Variants in SPTLC3 observed in about 807,000 individuals in gnomAD.
SPTLC3 encodes the protein serine palmitoyltransferase 3.
Under a neutral mutation model 59.3 loss-of-function variants are expected in SPTLC3, and 36 were observed. The observed-to-expected ratio is 0.61, with a 90% CI of 0.47 to 0.80. SPTLC3 has a LOEUF of 0.80. SPTLC3 is among the 30% of genes least tolerant of loss of function. The pLI, the probability that SPTLC3 is intolerant of heterozygous loss-of-function variation, is 0.00. For missense variants in SPTLC3, 625 were observed against 685.1 expected, an observed-to-expected ratio of 0.91 and a Z score of 0.98; for synonymous variants, 257 against 240.8, an observed-to-expected ratio of 1.07 and a Z score of -0.62.
At position 13,009,121 on chromosome 20, in the gene SPTLC3, G is replaced by T; in HGVS notation, c.-147G>T. ...CGATCTGACAAAAAGATAGGCTGTT[G>T]CTCTTCTTCTGGAAAAGCCTGATTG... is the stretch of plus-strand genomic sequence containing the variant. On this transcript the variant is annotated 5_prime_UTR_variant, in exon 1 of 12. Transcript: ENST00000399002. The T allele has an allele frequency of 1.5e-6, 1 of 662,858 alleles. No individual in the cohort carries two copies. The highest frequency in any genetic ancestry group is 2.7e-6 in the Non-Finnish European group (1 of 372,272). The allele number at this position is 662,858 out of a possible 1,614,324, so 41.1% of individuals were successfully genotyped here. A position where few individuals can be genotyped will look rare whatever the true frequency, so the allele number is the denominator to read the frequency against.
intron 8 of SPTLC3, among the ~76,000 whole-genome samples, chr20:13,119,360 G>T (rs566549584): frequency 6.6e-6 from 1 of 152,258 alleles, no homozygotes; most frequent in South Asian, 2.1e-4. Context: ...CTCGCGACTA[G>T]CAGAAGTAAA....
chr20:13,083,780 G>T (rs1361843430), intron 4 of SPTLC3, among the ~76,000 whole-genome samples: 3 of 152,108 alleles, frequency 2.0e-5, no homozygotes, highest in African/African-American at 7.2e-5. Context: ...ATGGAGCAAA[G>T]CTTTTAGATT....
At chr20:13,087,791 A>T (rs920670729) in intron 4 of SPTLC3, among the ~76,000 whole-genome samples, 9 of 152,222 alleles carry the variant, frequency 5.9e-5, no homozygotes, top group African/African-American at 2.2e-4. Context: ...TTGCCCTGGG[A>T]ACATTCTCAG....
At chr20:13,041,926 A>G (rs534699199) in intron 1 of SPTLC3, among the ~76,000 whole-genome samples, 1 of 152,206 alleles carries the variant, frequency 6.6e-6, no homozygotes, top group Non-Finnish European at 1.5e-5. Context: ...TGCCTTCCCA[A>G]ATCATTCTGT....
At chr20:13,046,681 G>C (rs1568576565) in intron 1 of SPTLC3, among the ~76,000 whole-genome samples, 1 of 152,134 alleles carries the variant, frequency 6.6e-6, no homozygotes. Flanking sequence ...CCAAGGAAAG[G>C]AGCCAAAGGT....
chr20:13,029,567 T>A (rs1986325474), intron 1 of SPTLC3, among the ~76,000 whole-genome samples: 1 of 152,198 alleles, frequency 6.6e-6, no homozygotes, highest in Admixed American at 6.5e-5. Flanking sequence ...ATGGATATTA[T>A]TAGACTTTTT....
intron 2 of SPTLC3, among the ~76,000 whole-genome samples, chr20:13,061,961 CT>C (rs1404012165): frequency 7.9e-5 from 12 of 152,252 alleles, no homozygotes; most frequent in African/African-American, 2.6e-4. Flanking sequence ...AGAACGCAGC[CT>C]CTCTTATGTC....
In SPTLC3 at chr20:13,123,084, A is replaced by T. The variant is rs149602319; in HGVS notation, c.1153-3507A>T. Among the ~76,000 whole-genome samples, 1,035 of 152,258 alleles carry T rather than the reference A, an allele frequency of 6.8e-3. 15 individuals are homozygous for T. Among genetic ancestry groups the T allele is most frequent in the African/African-American group, 0.023 (955 of 41,554 alleles). On this transcript the variant is annotated intron_variant, in intron 8 of 11. Coordinates refer to ENST00000399002, the MANE Select transcript of SPTLC3 (RefSeq NM_018327.4). ...GGTGGCTCATGCCTGTAATCACAGCACTTTGGGAGGCCAAGGCCGGCGGAT... is the reference window on the plus strand; with the variant it reads ...GGTGGCTCATGCCTGTAATCACAGCTCTTTGGGAGGCCAAGGCCGGCGGAT...
chr20:13,009,443 G>C (rs1985114157), intron 1 of SPTLC3, 59 bp downstream of exon 1: 5 of 1,465,844 alleles, frequency 3.4e-6, no homozygotes, highest in Admixed American at 1.7e-5. Context: ...ATATTTCTCT[G>C]TGAAGATATT....
rs779658809 is a variant in SPTLC3 at position 13,117,651 on chromosome 20, C to G, written c.1078C>G (p.His360Asp). Residue 360 changes from histidine to aspartate, a missense_variant, in exon 8 of 12, where the codon CAT (histidine) becomes GAT (aspartate). His to Asp is a moderately conservative substitution (Grantham distance 81). Transcript: ENST00000399002. ...GVTEFFGLDP[H>D]EVDVLMGTFT... ...CACGGAGTTCTTTGGACTAGACCCT[C>G]ATGAAGTTGATGTGCTCATGGGCAC... is the stretch of plus-strand genomic sequence containing the variant. 2.5e-6 allele frequency: 4 copies of G among 1,614,084 alleles called. No homozygotes were observed. The highest frequency in any genetic ancestry group is 3.4e-6 in the Non-Finnish European group (4 of 1,179,960).
At chr20:13,047,237 T>C (rs1204092347) in intron 1 of SPTLC3, among the ~76,000 whole-genome samples, 1 of 152,166 alleles carries the variant, frequency 6.6e-6, no homozygotes, top group African/African-American at 2.4e-5. Context: ...ATCACAGAGA[T>C]TCCAAAAATT....
chr20:13,070,909 A>G (rs910309328), intron 2 of SPTLC3, among the ~76,000 whole-genome samples: 2 of 151,304 alleles, frequency 1.3e-5, no homozygotes, highest in African/African-American at 4.9e-5. Context: ...ATACAAACCC[A>G]CTCCCCTGAG....
chr20:13,069,187 TGTCATCACTG>T (rs1405595984), intron 2 of SPTLC3, among the ~76,000 whole-genome samples: 10 of 152,294 alleles, frequency 6.6e-5, no homozygotes, highest in African/African-American at 1.9e-4. Flanking sequence ...CCAGGGTTTT[TGTCATCACTG>T]GTGTTTTGGA....
In SPTLC3 at chr20:13,117,534, C is replaced by A. The variant is rs1352440379; in HGVS notation, c.961C>A (p.Gln321Lys). ...SMEGSIVHLP[Q>K]IIALKKKYKA... The stretch of plus-strand genomic sequence containing the variant: ...GGAAGGTTCCATCGTGCATCTGCCC[C>A]AGATCATAGCTCTAAAGAAGAAATA... Residue 321 changes from glutamine (Q) to lysine (K), a missense_variant, in exon 8 of 12, where the codon CAG becomes AAG. Gln to Lys is a moderately conservative substitution (Grantham distance 53). Transcript: ENST00000399002. 6.2e-7 allele frequency: 1 copy of A among 1,605,712 alleles called. No homozygotes were observed. The highest frequency in any genetic ancestry group is 1.3e-5 in the African/African-American group (1 of 74,526).
Position 13,051,481 on chromosome 20 carries a change from A to G in SPTLC3, c.303+2351A>G, listed in dbSNP as rs145910465. Among the ~76,000 whole-genome samples, 4 of 152,366 alleles carry G rather than the reference A, an allele frequency of 2.6e-5. No individual in the cohort carries two copies. In the East Asian group the frequency reaches 7.7e-4, roughly 29 times the overall value. Reference sequence around the variant, plus strand: ...AAGAAATGAGACAGACAGCAACACGATAATAGTGAGGGACTTCAGTACTCC... The same window carrying G: ...AAGAAATGAGACAGACAGCAACACGGTAATAGTGAGGGACTTCAGTACTCC... On this transcript the variant is annotated intron_variant, in intron 2 of 11. Transcript: ENST00000399002.
chr20:13,078,136 A>G (rs1479311649), intron 4 of SPTLC3, among the ~76,000 whole-genome samples: 1 of 148,086 alleles, frequency 6.8e-6, no homozygotes, highest in Non-Finnish European at 1.5e-5. Flanking sequence ...TTATAAAACT[A>G]TTACATATTT....
intron 6 of SPTLC3, among the ~76,000 whole-genome samples, chr20:13,100,168 C>A (rs1162979109): frequency 6.6e-6 from 1 of 152,064 alleles, no homozygotes; most frequent in African/African-American, 2.4e-5. Flanking sequence ...TTTTTTAATT[C>A]TCTGTAGGAA....
At chr20:13,128,270 G>A (rs2038040001) in intron 9 of SPTLC3, among the ~76,000 whole-genome samples, 1 of 152,220 alleles carries the variant, frequency 6.6e-6, no homozygotes, top group South Asian at 2.1e-4. Flanking sequence ...TGACAGAAGT[G>A]AAGTAGGACT....
intron 9 of SPTLC3, among the ~76,000 whole-genome samples, chr20:13,153,548 A>T (rs900392820): frequency 1.3e-5 from 2 of 152,116 alleles, no homozygotes; most frequent in Admixed American, 1.3e-4. Context: ...TTGATTAGAG[A>T]TTTAAATGAG....
Sources: gnomAD v4.1 joint callset for allele counts (sites outside exome capture counted in the v4.1 genomes callset) on GRCh38, gnomAD v4.1.1 for gene constraint, MANE v1.5 for transcripts, NCBI Gene and HGNC (gene_info 2026-07-23, HGNC 2026-07-21) for gene names.